Variants in MANEA observed in about 807,000 individuals in gnomAD.
MANEA encodes mannosidase endo-alpha.
In MANEA, 25 loss-of-function variants were observed where a neutral mutation model predicts 36.8. The observed-to-expected ratio is 0.68, with a 90% confidence interval of 0.50 to 0.95. The LOEUF (loss-of-function observed/expected upper bound fraction) is 0.95. Ranked by LOEUF, MANEA falls within the 40% of genes least tolerant of loss-of-function variation. The pLI is 0.00. For missense variants in MANEA, 565 were observed against 558.8 expected (o/e 1.01, Z -0.11); for synonymous variants, 198 against 188.5 (o/e 1.05, Z -0.41).
intron 3 of MANEA, among the ~76,000 whole-genome samples, chr6:95,599,475 A>G (rs975480677): frequency 2.0e-5 from 3 of 151,916 alleles, no homozygotes; most frequent in Non-Finnish European, 4.4e-5. Context: ...TGAGATTGCA[A>G]CCACTCTTAA....
In MANEA at chr6:95,608,483, A is replaced by G. The variant is rs1382533904; in HGVS notation, c.*2078A>G. 2.6e-5 allele frequency: 4 copies of G among 151,864 alleles called. No individual in the cohort carries two copies. The highest frequency in any genetic ancestry group is 9.7e-5 in the African/African-American group (4 of 41,420). The allele number at this position is 151,864 out of a possible 1,614,324, so 9.4% of individuals were successfully genotyped here. A position where few individuals can be genotyped will look rare whatever the true frequency, so the allele number is the denominator to read the frequency against. ...ATGGTGAATCCACACAGCATACTTC[A>G]TCTCTGAGCTTTGTTGTGATTCCTC... is the stretch of plus-strand genomic sequence containing the variant. On this transcript the variant is annotated 3_prime_UTR_variant, in exon 5 of 5. Coordinates refer to ENST00000358812, the MANE Select transcript of MANEA (RefSeq NM_024641.4).
rs535407537 is a variant in MANEA, at chr6:95,604,624, C to T, written c.655-203C>T. On this transcript the variant is annotated intron_variant, in intron 3 of 4. Transcript: ENST00000358812. ...TACCTTAGGGAGTTGTGAAGATTAA[C>T]CAAGATAATAATATAAAATGTTTAG... is the stretch of plus-strand genomic sequence containing the variant. Among the ~76,000 whole-genome samples, 20 of 151,840 alleles carry T rather than the reference C, an allele frequency of 1.3e-4. No homozygotes were observed. The South Asian group carries it at 3.9e-3, about 30-fold the overall frequency.
chr6:95,596,086 T>G (rs1279351802), intron 2 of MANEA, among the ~76,000 whole-genome samples: 1 of 152,132 alleles, frequency 6.6e-6, no homozygotes, highest in Non-Finnish European at 1.5e-5. Context: ...ATGAAGCCAG[T>G]TCTAAAAAGC....
chr6:95,603,073 A>T (rs1172240461), intron 3 of MANEA, among the ~76,000 whole-genome samples: 2 of 151,096 alleles, frequency 1.3e-5, no homozygotes, highest in Non-Finnish European at 2.9e-5. Flanking sequence ...ATTTTATTAT[A>T]ATTAAGAAAT....
At chr6:95,589,982 C>T (rs1474098013) in intron 2 of MANEA, 1 of 152,104 alleles carries the variant, frequency 6.6e-6, no homozygotes, top group African/African-American at 2.4e-5. Context: ...ACTCGACCCC[C>T]TGTTGCTATC....
intron 1 of MANEA, among the ~76,000 whole-genome samples, chr6:95,584,500 G>A (rs1449963257): frequency 6.6e-6 from 1 of 152,136 alleles, no homozygotes; most frequent in Admixed American, 6.5e-5. Flanking sequence ...TGAATTTGAG[G>A]TCAGACTGGT....
At chr6:95,587,523 TAG>T (rs1249177699) in intron 2 of MANEA, 3 of 154,146 alleles carry the variant, frequency 1.9e-5, no homozygotes, top group Non-Finnish European at 2.9e-5. Context: ...TTTATGAAAA[TAG>T]AGTCATTCAG....
rs67335804 is a variant in MANEA, at chr6:95,601,716, A to ATTTTTTTTTTTTTTTTTTTTTTTTTTTTT, written c.655-3083_655-3082insTTTTTTTTTTTTTTTTTTTTTTTTTTTTT. Among the ~76,000 whole-genome samples, 45 of 64,992 alleles carry ATTTTTTTTTTTTTTTTTTTTTTTTTTTTT rather than the reference A, an allele frequency of 6.9e-4. 4 individuals are homozygous for ATTTTTTTTTTTTTTTTTTTTTTTTTTTTT. Among genetic ancestry groups the ATTTTTTTTTTTTTTTTTTTTTTTTTTTTT allele is most frequent in the African/African-American group, 9.5e-4 (15 of 15,770 alleles). 42.6% of individuals were successfully genotyped at this position (64,992 alleles called of 152,430 possible). ...AAAAGAAAATTAGGCAGATTCAGTG[A>ATTTTTTTTTTTTTTTTTTTTTTTTTTTTT]TTTTTTTTTTTTTTTTTTTTTTTTT... On this transcript the variant is annotated intron_variant, in intron 3 of 4. Transcript: ENST00000358812.
intron 2 of MANEA, among the ~76,000 whole-genome samples, chr6:95,595,895 G>T (rs1769472209): frequency 6.6e-6 from 1 of 152,086 alleles, no homozygotes; most frequent in Non-Finnish European, 1.5e-5. Context: ...CACAAAAACA[G>T]CATATAAATG....
chr6:95,606,310 C>T lies in MANEA; in HGVS notation c.1294C>T (p.Pro432Ser). 6.2e-7 allele frequency: 1 copy of T among 1,612,012 alleles called. No individual in the cohort carries two copies. Among genetic ancestry groups the T allele is most frequent in the Non-Finnish European group, 8.5e-7 (1 of 1,179,816 alleles). Residue 432 changes from proline (P) to serine (S), a missense_variant, in exon 5 of 5, where the codon CCA (proline) becomes TCA (serine). Transcript: ENST00000358812. ...GTACCTAGATTACCGTCCTCATAAA[C>T]CAGGTCTTTACCTAGAACTGACTCG... ...TVYLDYRPHK[P>S]GLYLELTRKW...
chr6:95,584,343 T>C (rs2127938437), intron 1 of MANEA, among the ~76,000 whole-genome samples: 1 of 152,214 alleles, frequency 6.6e-6, no homozygotes, highest in Admixed American at 6.5e-5. Flanking sequence ...ATTCTTTTCC[T>C]AGCAAGGAAC....
chr6:95,600,825 C>T (rs1243473393), intron 3 of MANEA, among the ~76,000 whole-genome samples: 3 of 152,046 alleles, frequency 2.0e-5, no homozygotes, highest in African/African-American at 7.2e-5. Flanking sequence ...GGAATGAATC[C>T]GTCTCACAGT....
chr6:95,602,190 A>C (rs112237530), intron 3 of MANEA, among the ~76,000 whole-genome samples: 3 of 152,342 alleles, frequency 2.0e-5, no homozygotes, highest in South Asian at 2.1e-4. Flanking sequence ...TTATTTATGC[A>C]TGCATTCATT....
At chr6:95,582,319 G>C (rs1769198622) in intron 1 of MANEA, among the ~76,000 whole-genome samples, 1 of 151,768 alleles carries the variant, frequency 6.6e-6, no homozygotes, top group South Asian at 2.1e-4. Context: ...GAGTAGCTGG[G>C]ACTACAGGTG....
At chr6:95,603,224 A>C (rs1203537451) in intron 3 of MANEA, among the ~76,000 whole-genome samples, 2 of 152,052 alleles carry the variant, frequency 1.3e-5, no homozygotes, top group Admixed American at 6.6e-5. Flanking sequence ...TTGATATAGG[A>C]TATTTCAAGT....
chr6:95,583,258 G>A (rs1769215212), intron 1 of MANEA, among the ~76,000 whole-genome samples: 1 of 152,010 alleles, frequency 6.6e-6, no homozygotes, highest in African/African-American at 2.4e-5. Flanking sequence ...CAGGTAAAGT[G>A]TCAGAAAAGA....
rs764973822 is a variant in MANEA at position 95,606,382 on chromosome 6, G to C, written c.1366G>C (p.Asp456His). Residue 456 changes from aspartate to histidine, a missense_variant, in exon 5 of 5, where the codon GAT (aspartate) becomes CAT (histidine). Physicochemically the swap from Asp to His is moderately conservative, Grantham distance 81. Coordinates refer to ENST00000358812, the MANE Select transcript of MANEA (RefSeq NM_024641.4). ...YSKERATYAL[D>H]RQLPVS is the part of the protein sequence containing the mutation. ...TAAGGAAAGAGCAACTTATGCATTA[G>C]ATCGCCAGCTGCCTGTTTCTTAATG... 6.3e-7 allele frequency: 1 copy of C among 1,596,502 alleles called. No homozygotes were observed. Among genetic ancestry groups the C allele is most frequent in the South Asian group, 1.1e-5 (1 of 90,224 alleles).
rs1769700056 is a variant in MANEA at position 95,605,896 on chromosome 6, C to G, written c.880C>G (p.Pro294Ala). Residue 294 changes from proline to alanine, a missense_variant, in exon 5 of 5, where the codon CCT (proline) becomes GCT (alanine). By Grantham distance (27) the Pro-to-Ala change is conservative. Coordinates refer to ENST00000358812, the MANE Select transcript of MANEA (RefSeq NM_024641.4). ...TSGSRSIRNS[P>A]YDGLFIALLV... Reference sequence around the variant, plus strand: ...AGGGTCTCGGAGTATTCGCAATTCTCCTTATGATGGACTGTTTATTGCCCT... The same window carrying G: ...AGGGTCTCGGAGTATTCGCAATTCTGCTTATGATGGACTGTTTATTGCCCT... 6.2e-7 allele frequency: 1 copy of G among 1,613,844 alleles called. No individual in the cohort carries two copies. The highest frequency in any genetic ancestry group is 1.3e-5 in the African/African-American group (1 of 74,860).
intron 3 of MANEA, among the ~76,000 whole-genome samples, chr6:95,601,684 TC>T (rs1283366354): frequency 6.7e-6 from 1 of 148,230 alleles, no homozygotes; most frequent in Non-Finnish European, 1.5e-5. Context: ...AAATCATTCA[TC>T]TAAGTAAAAG....
Sources: gnomAD v4.1 joint callset for allele counts (sites outside exome capture counted in the v4.1 genomes callset) on GRCh38, gnomAD v4.1.1 for gene constraint, MANE v1.5 for transcripts, NCBI Gene and HGNC (gene_info 2026-07-23, HGNC 2026-07-21) for gene names.